The following CSMD3 variants were observed in gnomAD, a reference collection of about 807,000 sequenced individuals.
The protein encoded by CSMD3 is CUB and Sushi multiple domains 3, also known as CUB and sushi domain-containing protein 3.
CSMD3 carries 177 observed loss-of-function variants against 435.2 expected under a neutral mutation model. That is an observed-to-expected ratio of 0.41 (90% CI 0.36 to 0.46). The LOEUF is 0.46. CSMD3 is among the 20% of genes least tolerant of loss of function. The pLI, the probability that CSMD3 is intolerant of heterozygous loss-of-function variation, is 0.34. For missense variants in CSMD3, 4,265 were observed against 4,504.6 expected, an observed-to-expected ratio of 0.95 and a Z score of 1.52; for synonymous variants, 1,656 against 1,520.5, an observed-to-expected ratio of 1.09 and a Z score of -2.07.
chr8:113,309,997 A>C (rs2093854900), intron 2 of CSMD3: 1 of 152,180 alleles, frequency 6.6e-6, no homozygotes, highest in African/African-American at 2.4e-5. Context: ...ATATAAGAAA[A>C]ATAAATTTTT....
intron 10 of CSMD3, among the ~76,000 whole-genome samples, chr8:112,875,613 A>G (rs2081260543): frequency 6.6e-6 from 1 of 152,026 alleles, no homozygotes; most frequent in Non-Finnish European, 1.5e-5. Flanking sequence ...GGCTTTGTTC[A>G]TTCCTTTTCA....
chr8:112,628,673 C>T (rs963789283), intron 22 of CSMD3, among the ~76,000 whole-genome samples: 7 of 152,106 alleles, frequency 4.6e-5, no homozygotes, highest in African/African-American at 1.7e-4. Flanking sequence ...AACAAATTTA[C>T]TTAAAGCTTT....
In CSMD3 at chr8:112,472,585, A is replaced by C. The variant is rs1378823248; in HGVS notation, c.5395+6T>G. 7.1e-7 allele frequency: 1 copy of C among 1,401,426 alleles called. No individual in the cohort carries two copies. The highest frequency in any genetic ancestry group is 1.4e-5 in the African/African-American group (1 of 70,516). 86.8% of individuals were successfully genotyped at this position (1,401,426 alleles called of 1,614,324 possible). Reference sequence around the variant, plus strand: ...AATACTACATAATGAGTCGAATCTTACTTACCAAACTCCTTTGGAACTGCT... The same window carrying C: ...AATACTACATAATGAGTCGAATCTTCCTTACCAAACTCCTTTGGAACTGCT... On this transcript the variant is annotated splice_donor_region_variant and intron_variant, in intron 32 of 70. Transcript: ENST00000297405.
intron 13 of CSMD3, among the ~76,000 whole-genome samples, chr8:112,798,576 G>A (rs1181724728): frequency 6.6e-6 from 1 of 151,814 alleles, no homozygotes; most frequent in Non-Finnish European, 1.5e-5. Flanking sequence ...TGAAAACTGA[G>A]CAGACGGAGA....
intron 47 of CSMD3, among the ~76,000 whole-genome samples, chr8:112,316,079 T>G (rs10955618): frequency 0.24 from 36,728 of 151,656 alleles, 4,627 homozygotes; most frequent in East Asian, 0.39. Flanking sequence ...GCATATGATT[T>G]CTCTATAAAC....
chr8:113,394,368 C>T (rs1265670982), intron 1 of CSMD3, among the ~76,000 whole-genome samples: 1 of 151,946 alleles, frequency 6.6e-6, no homozygotes, highest in African/African-American at 2.4e-5. Context: ...TTCTTTTTTA[C>T]TGAATACATA....
chr8:113,176,212 G>A lies in CSMD3; in HGVS notation c.515-2296C>T, dbSNP rs2092344603. Among the ~76,000 whole-genome samples, 3 of 152,102 alleles carry A rather than the reference G, an allele frequency of 2.0e-5. No individual in the cohort carries two copies. The South Asian group carries it at 6.2e-4, about 32-fold the overall frequency. On this transcript the variant is annotated intron_variant, in intron 3 of 70. Coordinates refer to ENST00000297405, the MANE Select transcript of CSMD3 (RefSeq NM_198123.2). ...TGGACTTCACTTTCAGGAAAGTCCTGCTGTTGTTTGTGCCTGTTTATCATC... is the reference window on the plus strand; with the variant it reads ...TGGACTTCACTTTCAGGAAAGTCCTACTGTTGTTTGTGCCTGTTTATCATC...
At chr8:112,895,151 C>T (rs1174267199) in intron 10 of CSMD3, among the ~76,000 whole-genome samples, 1 of 151,348 alleles carries the variant, frequency 6.6e-6, no homozygotes, top group Non-Finnish European at 1.5e-5. Context: ...CAACAAAACT[C>T]ATGCCATGTC....
chr8:112,517,323 G>A, intron 27 of CSMD3, 98 bp from the exon 28 acceptor site: 1 of 846,824 alleles, frequency 1.2e-6, no homozygotes. Flanking sequence ...AAATTTTGGG[G>A]TCAATTTTTA....
intron 36 of CSMD3, among the ~76,000 whole-genome samples, chr8:112,386,881 G>C (rs1830024630): frequency 6.6e-6 from 1 of 152,156 alleles, no homozygotes; most frequent in African/African-American, 2.4e-5. Flanking sequence ...CATGGTAATG[G>C]AATAGCTTCA....
chr8:113,261,831 T>C (rs539026938), intron 3 of CSMD3, among the ~76,000 whole-genome samples: 10 of 152,104 alleles, frequency 6.6e-5, no homozygotes, highest in Non-Finnish European at 1.5e-4. Flanking sequence ...TTAAACTATA[T>C]GGTAGAACAG....
intron 4 of CSMD3, among the ~76,000 whole-genome samples, chr8:113,117,151 T>C (rs1249411256): frequency 6.6e-6 from 1 of 152,202 alleles, no homozygotes; most frequent in Non-Finnish European, 1.5e-5. Flanking sequence ...TCAGATGTCT[T>C]CACAACAGCC....
At chr8:113,305,278 G>A (rs1588480404) in intron 2 of CSMD3, among the ~76,000 whole-genome samples, 1 of 151,990 alleles carries the variant, frequency 6.6e-6, no homozygotes, top group East Asian at 1.9e-4. Flanking sequence ...TTGTACACAT[G>A]TACCCTAAAA....
intron 10 of CSMD3, among the ~76,000 whole-genome samples, chr8:112,912,600 A>AT (rs2082455549): frequency 6.6e-6 from 1 of 151,996 alleles, no homozygotes. Context: ...ACCTGAAAGT[A>AT]TAAAACTATT....
chr8:113,413,684 G>A (rs1445033034), intron 1 of CSMD3, among the ~76,000 whole-genome samples: 7 of 152,070 alleles, frequency 4.6e-5, no homozygotes, highest in Admixed American at 1.3e-4. Flanking sequence ...TCAACCTGTG[G>A]GATGTATTAT....
chr8:113,375,006 A>G (rs1032706209), intron 1 of CSMD3, among the ~76,000 whole-genome samples: 5 of 152,060 alleles, frequency 3.3e-5, no homozygotes, highest in African/African-American at 1.2e-4. Context: ...ACAACTTTTT[A>G]TTTGAAAGTT....
chr8:112,409,140 T>G, intron 32 of CSMD3, 108 bp from the exon 33 acceptor site: 3 of 1,538,634 alleles, frequency 1.9e-6, no homozygotes, highest in African/African-American at 1.4e-5. Flanking sequence ...AGTATTACAA[T>G]ATAATAGTCA....
intron 7 of CSMD3, among the ~76,000 whole-genome samples, chr8:112,961,896 C>T (rs530778244): frequency 3.3e-5 from 5 of 151,910 alleles, no homozygotes; most frequent in African/African-American, 9.6e-5. Context: ...TTATGGTATG[C>T]TGTAAAATGT....
intron 47 of CSMD3, among the ~76,000 whole-genome samples, chr8:112,316,594 G>A (rs1822494669): frequency 6.6e-6 from 1 of 151,622 alleles, no homozygotes; most frequent in East Asian, 1.9e-4. Flanking sequence ...TTTGTTGATT[G>A]TAACTTTATG....
Sources: allele counts gnomAD v4.1 joint callset (sites outside exome capture counted in the v4.1 genomes callset), GRCh38; gene constraint gnomAD v4.1.1; transcripts MANE v1.5; gene names NCBI Gene and HGNC (gene_info 2026-07-23, HGNC 2026-07-21).